The following PDE7A variants were observed in gnomAD, a reference collection of about 807,000 sequenced individuals.
PDE7A encodes high affinity 3',5'-cyclic-AMP phosphodiesterase 7A.
PDE7A carries 39 observed loss-of-function variants against 64.3 expected under a neutral mutation model. That is an observed-to-expected ratio of 0.61 (90% CI 0.47 to 0.79). The LOEUF is 0.79. PDE7A is among the 30% of genes least tolerant of loss of function. PDE7A has a pLI of 0.00. For synonymous variants in PDE7A, 203 were observed against 206.8 expected (o/e 0.98, Z 0.16); for missense variants, 470 against 582.8 (o/e 0.81, Z 1.99).
chr8:65,834,793 A>G (rs1247677862), intron 1 of PDE7A, among the ~76,000 whole-genome samples: 6 of 152,216 alleles, frequency 3.9e-5, no homozygotes, highest in Non-Finnish European at 8.8e-5. Flanking sequence ...AAAGAAAATT[A>G]TAAGCAGGAG....
intron 1 of PDE7A, among the ~76,000 whole-genome samples, chr8:65,813,655 A>C (rs1048413293): frequency 2.0e-5 from 3 of 152,228 alleles, no homozygotes; most frequent in Non-Finnish European, 4.4e-5. Context: ...TCAAGCATTG[A>C]CTTTATTTTT....
chr8:65,755,486 C>A (rs778731778), intron 3 of PDE7A, among the ~76,000 whole-genome samples: 3 of 152,018 alleles, frequency 2.0e-5, no homozygotes, highest in Non-Finnish European at 4.4e-5. Flanking sequence ...TGAATAATAC[C>A]AATTTAATTT....
intron 3 of PDE7A, among the ~76,000 whole-genome samples, chr8:65,769,495 T>C (rs577757435): frequency 6.6e-6 from 1 of 152,214 alleles, no homozygotes; most frequent in Non-Finnish European, 1.5e-5. Context: ...CTCTATCTTG[T>C]GTAACCACGA....
chr8:65,724,753 G>A (rs1472475426), intron 10 of PDE7A, 24 bp downstream of exon 10: 6 of 1,575,860 alleles, frequency 3.8e-6, no homozygotes, highest in Non-Finnish European at 5.2e-6. Flanking sequence ...CCTAGAAATA[G>A]AATGTTTCCA....
chr8:65,820,703 C>CCT (rs144446270), intron 1 of PDE7A, among the ~76,000 whole-genome samples: 8,733 of 152,196 alleles, frequency 0.057, 359 homozygotes, highest in Middle Eastern at 0.11. Flanking sequence ...GATCCTCGTG[C>CCT]CTCAGCCTCT....
chr8:65,731,683 G>T (rs1806895226), intron 7 of PDE7A: 1 of 152,164 alleles, frequency 6.6e-6, no homozygotes, highest in Non-Finnish European at 1.5e-5. Flanking sequence ...CATATATAGA[G>T]AGATGAGTTT....
chr8:65,807,358 G>C (rs74727207), intron 1 of PDE7A, among the ~76,000 whole-genome samples: 17,682 of 152,196 alleles, frequency 0.12, 1,047 homozygotes, highest in Middle Eastern at 0.14. Flanking sequence ...AGAAATACAA[G>C]TGATTTCTGT....
intron 4 of PDE7A, among the ~76,000 whole-genome samples, chr8:65,746,384 A>T (rs1158930937): frequency 1.3e-5 from 2 of 152,218 alleles, no homozygotes; most frequent in African/African-American, 4.8e-5. Context: ...CACCATGCTT[A>T]AATTATTTGT....
At chr8:65,746,097 A>T (rs1464557375) in intron 4 of PDE7A, among the ~76,000 whole-genome samples, 12 of 141,308 alleles carry the variant, frequency 8.5e-5, no homozygotes, top group Non-Finnish European at 1.5e-4. Context: ...TACCTGGCTA[A>T]TTTTTTTTTT....
intron 5 of PDE7A, among the ~76,000 whole-genome samples, chr8:65,740,716 T>G (rs1807385937): frequency 6.6e-6 from 1 of 152,116 alleles, no homozygotes; most frequent in Non-Finnish European, 1.5e-5. Flanking sequence ...TCCCTTTCTT[T>G]CAAAAGCCAA....
intron 3 of PDE7A, among the ~76,000 whole-genome samples, chr8:65,755,186 A>T (rs1023535277): frequency 4.6e-5 from 7 of 151,098 alleles, no homozygotes; most frequent in African/African-American, 1.7e-4. Context: ...ACGCCCGGCT[A>T]ATTTTTATAT....
intron 7 of PDE7A, among the ~76,000 whole-genome samples, chr8:65,731,308 G>A (rs944152788): frequency 2.0e-5 from 3 of 152,146 alleles, no homozygotes; most frequent in African/African-American, 7.2e-5. Context: ...GGATGCGGGG[G>A]CCAGGGAGGG....
intron 1 of PDE7A, among the ~76,000 whole-genome samples, chr8:65,841,007 C>T (rs1013846548): frequency 6.6e-6 from 1 of 152,134 alleles, no homozygotes; most frequent in Non-Finnish European, 1.5e-5. Context: ...TGTTGCAAGG[C>T]GGGGGAGCAC....
chr8:65,756,452 A>G (rs991948141), intron 3 of PDE7A, among the ~76,000 whole-genome samples: 1 of 148,398 alleles, frequency 6.7e-6, no homozygotes, highest in African/African-American at 2.5e-5. Flanking sequence ...CTCTCTTTCT[A>G]CTCCTCAGAA....
At chr8:65,821,532 T>C (rs1444250901) in intron 1 of PDE7A, among the ~76,000 whole-genome samples, 1 of 152,234 alleles carries the variant, frequency 6.6e-6, no homozygotes, top group Non-Finnish European at 1.5e-5. Flanking sequence ...AACTTAAGTT[T>C]TGAAGAGGAA....
intron 3 of PDE7A, among the ~76,000 whole-genome samples, chr8:65,762,372 T>A (rs886144044): frequency 6.6e-6 from 1 of 152,102 alleles, no homozygotes; most frequent in Non-Finnish European, 1.5e-5. Context: ...TAGGGGAAAA[T>A]CAGCTAGGTG....
intron 3 of PDE7A, among the ~76,000 whole-genome samples, chr8:65,774,487 A>T (rs1049395540): frequency 2.6e-5 from 4 of 152,018 alleles, no homozygotes. Context: ...CTCTTACACA[A>T]CTTTCTCTAA....
chr8:65,735,842 C>T (rs1807107527), intron 6 of PDE7A, among the ~76,000 whole-genome samples: 1 of 152,038 alleles, frequency 6.6e-6, no homozygotes, highest in South Asian at 2.1e-4. Flanking sequence ...CCAGGCTGGT[C>T]TTTAACTCCT....
chr8:65,831,481 T>G (rs1178310154), intron 1 of PDE7A, among the ~76,000 whole-genome samples: 1 of 152,150 alleles, frequency 6.6e-6, no homozygotes, highest in Admixed American at 6.5e-5. Flanking sequence ...TCTCTCTTCC[T>G]TCCACCACTG....
Sources: gnomAD v4.1 joint callset for allele counts (sites outside exome capture counted in the v4.1 genomes callset) on GRCh38, gnomAD v4.1.1 for gene constraint, MANE v1.5 for transcripts, NCBI Gene and HGNC (gene_info 2026-07-23, HGNC 2026-07-21) for gene names.